ADCY1: variants seen among roughly 807,000 people sequenced by gnomAD.
ADCY1 encodes adenylate cyclase type 1.
In ADCY1, 28 loss-of-function variants were observed where a neutral mutation model predicts 105.4. The observed-to-expected ratio is 0.27, with a 90% CI of 0.20 to 0.36. The LOEUF (loss-of-function observed/expected upper bound fraction) is 0.36. Ranked by LOEUF, ADCY1 falls within the 10% of genes least tolerant of loss-of-function variation. ADCY1 has a pLI of 1.00. For missense variants in ADCY1, 977 were observed against 1,434.2 expected, an observed-to-expected ratio of 0.68 and a Z score of 5.15; for synonymous variants, 655 against 623.8, an observed-to-expected ratio of 1.05 and a Z score of -0.75.
intron 8 of ADCY1, among the ~76,000 whole-genome samples, chr7:45,668,578 G>C (rs1784307024): frequency 6.6e-6 from 1 of 152,194 alleles, no homozygotes; most frequent in South Asian, 2.1e-4. Flanking sequence ...AGGGATATTG[G>C]TCTAAAATTC....
intron 4 of ADCY1, among the ~76,000 whole-genome samples, chr7:45,630,687 G>A (rs1794221368): frequency 6.6e-6 from 1 of 151,774 alleles, no homozygotes; most frequent in South Asian, 2.1e-4. Flanking sequence ...TTCTGTATGT[G>A]TGTAAAATTT....
intron 14 of ADCY1, among the ~76,000 whole-genome samples, chr7:45,689,441 C>T (rs563121514): frequency 6.6e-6 from 1 of 152,136 alleles, no homozygotes; most frequent in South Asian, 2.1e-4. Flanking sequence ...AGCTTTTACT[C>T]ATAGCAGAAG....
At chr7:45,610,891 TGGA>T (rs1232063588) in intron 3 of ADCY1, among the ~76,000 whole-genome samples, 7 of 808 alleles carry the variant, frequency 8.7e-3, no homozygotes, top group Admixed American at 0.014. Context: ...AAGGTGATGG[TGGA>T]GGTGGGGAGG....
chr7:45,686,804 C>A lies in ADCY1; in HGVS notation c.2454+131C>A. The A allele has an allele frequency of 7.5e-7, 1 of 1,337,558 alleles. No individual in the cohort carries two copies. The highest frequency in any genetic ancestry group is 9.9e-7 in the Non-Finnish European group (1 of 1,007,140). 82.9% of individuals were successfully genotyped at this position (1,337,558 alleles called of 1,614,324 possible). On this transcript the variant is annotated intron_variant, in intron 14 of 19. Transcript: ENST00000297323. This position sits in a 1 kb window ranked among gnomAD's most constrained non-coding sequence, Gnocchi z 4.3. ...GCCCTCGGAGGGCCCTCCTCAGCAG[C>A]ATGCAAGCCAGGCACTGTCCGGGGA...
intron 4 of ADCY1, among the ~76,000 whole-genome samples, chr7:45,639,562 G>A (rs1794484944): frequency 1.3e-5 from 2 of 152,194 alleles, no homozygotes; most frequent in Non-Finnish European, 2.9e-5. Context: ...GCTGCCTGGG[G>A]CTCATCCTGA....
chr7:45,687,041 C>G (rs1418374215), intron 14 of ADCY1, among the ~76,000 whole-genome samples: 1 of 152,114 alleles, frequency 6.6e-6, no homozygotes, highest in Admixed American at 6.5e-5. Context: ...GGCAGCAGGT[C>G]TCATCGGGGT....
Position 45,720,506 on chromosome 7 carries a change from ACT to A in ADCY1, c.*6517_*6518del, listed in dbSNP as rs201132158. ...ACTCCAGCCTGGGCGACAGAGCAAG[ACT>A]CTCTCAAAAAAAAAAAAAAAAGAAA... On this transcript the variant is annotated 3_prime_UTR_variant, in exon 20 of 20. Coordinates refer to ENST00000297323, the MANE Select transcript of ADCY1 (RefSeq NM_021116.4). 1 of 140,868 alleles carries A rather than the reference ACT, an allele frequency of 7.1e-6. No homozygotes were observed. The highest frequency in any genetic ancestry group is 1.5e-5 in the Non-Finnish European group (1 of 65,620). 8.7% of individuals were successfully genotyped at this position (140,868 alleles called of 1,614,324 possible). A position where few individuals can be genotyped will look rare whatever the true frequency, so the allele number is the denominator to read the frequency against.
intron 17 of ADCY1, 46 bp downstream of exon 17, chr7:45,704,662 C>G (rs374426393): frequency 8.8e-6 from 13 of 1,472,218 alleles, no homozygotes; most frequent in Middle Eastern, 2.1e-4. Context: ...GGTCCAAGCT[C>G]TGCCCTAAAC....
intron 5 of ADCY1, among the ~76,000 whole-genome samples, chr7:45,651,096 T>C (rs1188447058): frequency 6.6e-6 from 1 of 152,122 alleles, no homozygotes; most frequent in Non-Finnish European, 1.5e-5. Flanking sequence ...CTCCTGTAGC[T>C]GCTGTCTGCT....
In ADCY1 at chr7:45,684,154, A is replaced by G. The variant is rs117429781; in HGVS notation, c.1984-825A>G. 5.4e-3 allele frequency among the ~76,000 whole-genome samples: 823 copies of G among 152,344 alleles called. 5 individuals are homozygous for G. The highest frequency in any genetic ancestry group is 0.012 in the Admixed American group (184 of 15,304). On this transcript the variant is annotated intron_variant, in intron 11 of 19. Coordinates refer to ENST00000297323, the MANE Select transcript of ADCY1 (RefSeq NM_021116.4). Reference sequence around the variant, plus strand: ...GACCACTGGGTTGGTGAAATACCCAATGGTATCTTGGGACTTGGGAAACCT... The same window carrying G: ...GACCACTGGGTTGGTGAAATACCCAGTGGTATCTTGGGACTTGGGAAACCT...
chr7:45,668,077 G>A (rs960496689), intron 8 of ADCY1, among the ~76,000 whole-genome samples: 1 of 152,178 alleles, frequency 6.6e-6, no homozygotes, highest in African/African-American at 2.4e-5. Context: ...TCTGCAAACA[G>A]GGACAATTTG....
In ADCY1 at chr7:45,722,925, CTT is replaced by C. The variant is rs1456971589; in HGVS notation, c.*8934_*8935del. 2.6e-5 allele frequency: 4 copies of C among 152,506 alleles called. No individual in the cohort carries two copies. The East Asian group carries it at 5.8e-4, about 22-fold the overall frequency. The allele number at this position is 152,506 out of a possible 1,614,324, so 9.4% of individuals were successfully genotyped here. ...TGAACACTGTAGGGTACCTTCCAGT[CTT>C]TTTCAAGATTGTTAAATTGAGACAA... On this transcript the variant is annotated 3_prime_UTR_variant, in exon 20 of 20. Coordinates refer to ENST00000297323, the MANE Select transcript of ADCY1 (RefSeq NM_021116.4).
At chr7:45,625,249 G>A (rs1178496450) in intron 4 of ADCY1, among the ~76,000 whole-genome samples, 1 of 152,190 alleles carries the variant, frequency 6.6e-6, no homozygotes, top group Non-Finnish European at 1.5e-5. Flanking sequence ...GTCATCTCAT[G>A]TTTCCATGTT....
chr7:45,615,433 A>G (rs1317022829), intron 3 of ADCY1, among the ~76,000 whole-genome samples: 1 of 152,166 alleles, frequency 6.6e-6, no homozygotes, highest in Non-Finnish European at 1.5e-5. Context: ...CCTCATCTCT[A>G]AAAGAAAATT....
rs1785307924 is a variant in ADCY1, at chr7:45,713,641, G to A, written c.3058-52G>A. On this transcript the variant is annotated intron_variant, in intron 19 of 19. Coordinates refer to ENST00000297323, the MANE Select transcript of ADCY1 (RefSeq NM_021116.4). ...GATGGAGTGTTTTGGTCTCTTCCCA[G>A]AGGAGTCCCCCTCATTGCCCTGAAG... The A allele has an allele frequency of 5.8e-5, 43 of 747,096 alleles. No individual in the cohort carries two copies. The South Asian group carries it at 6.1e-4, about 11-fold the overall frequency. 46.3% of individuals were successfully genotyped at this position (747,096 alleles called of 1,614,324 possible). A position where few individuals can be genotyped will look rare whatever the true frequency, so the allele number is the denominator to read the frequency against.
intron 5 of ADCY1, among the ~76,000 whole-genome samples, chr7:45,649,402 G>C (rs1794752976): frequency 6.6e-6 from 1 of 152,204 alleles, no homozygotes; most frequent in Non-Finnish European, 1.5e-5. Context: ...CTGGAAGGCT[G>C]AGCTAATGTA....
In ADCY1 at chr7:45,635,608, T is replaced by TG. The variant is rs530403567; in HGVS notation, c.1020+12865_1020+12866insG. Among the ~76,000 whole-genome samples, 275 of 130,018 alleles carry TG rather than the reference T, an allele frequency of 2.1e-3. 4 individuals carry two copies. In the South Asian group the frequency reaches 0.045, roughly 21 times the overall value. 85.3% of individuals were successfully genotyped at this position (130,018 alleles called of 152,430 possible). A position where few individuals can be genotyped will look rare whatever the true frequency, so the allele number is the denominator to read the frequency against. ...TACTTTCTAATTTCTCTTGTTTTTT[T>TG]TTTTTTTTTTTTTTTTTTTTTCCAG... On this transcript the variant is annotated intron_variant, in intron 4 of 19. Coordinates refer to ENST00000297323, the MANE Select transcript of ADCY1 (RefSeq NM_021116.4).
intron 8 of ADCY1, among the ~76,000 whole-genome samples, chr7:45,675,173 G>T (rs1478243656): frequency 6.6e-6 from 1 of 151,602 alleles, no homozygotes; most frequent in Non-Finnish European, 1.5e-5. Context: ...ATTCCATTTT[G>T]ATTTATATAT....
chr7:45,610,777 T>TGAGGAGGTGATGGAG (rs1562687059), intron 3 of ADCY1, among the ~76,000 whole-genome samples: 4 of 130,696 alleles, frequency 3.1e-5, no homozygotes, highest in Admixed American at 7.7e-5. Flanking sequence ...ATAGTGGAGG[T>TGAGGAGGTGATGGAG]GTGGGGGTGA....
Sources: gnomAD v4.1 joint callset for allele counts (sites outside exome capture counted in the v4.1 genomes callset) on GRCh38, gnomAD v4.1.1 for gene constraint, Gnocchi (gnomAD v3.1) non-coding constraint, MANE v1.5 for transcripts, NCBI Gene and HGNC (gene_info 2026-07-23, HGNC 2026-07-21) for gene names.